The following GPHN variants were observed in gnomAD, a reference collection of about 807,000 sequenced individuals.
GPHN encodes gephyrin.
A neutral mutation model predicts 95.5 loss-of-function variants in GPHN; 17 were observed. That is an observed-to-expected ratio of 0.18 (90% CI 0.12 to 0.27). The LOEUF (loss-of-function observed/expected upper bound fraction) is 0.27. GPHN is among the 10% of genes least tolerant of loss of function. The pLI is 1.00. For missense variants in GPHN, 660 were observed against 978.1 expected (o/e 0.67, Z 4.34); for synonymous variants, 320 against 322.5 (o/e 0.99, Z 0.08).
intron 16 of GPHN, among the ~76,000 whole-genome samples, chr14:67,116,293 G>C (rs2078688789): frequency 1.4e-5 from 2 of 143,234 alleles, no homozygotes; most frequent in African/African-American, 5.2e-5. Flanking sequence ...AGAAAGAAAA[G>C]AAAAAGAAAG....
chr14:67,537,346 A>AAATAATAAT, the GPHN span, among the ~76,000 whole-genome samples: 34,488 of 126,222 alleles, frequency 0.27, 5,273 homozygotes, highest in Non-Finnish European at 0.35. Context: ...TCCATCTCAA[A>AAATAATAAT]AATAATAATA....
At chr14:67,124,279 AC>A (rs896359424) in intron 17 of GPHN, among the ~76,000 whole-genome samples, 36 of 152,136 alleles carry the variant, frequency 2.4e-4, no homozygotes, top group Admixed American at 9.8e-4. Context: ...AGTGGTGCGC[AC>A]CTGTAATCCC....
At chr14:66,953,069 T>C (rs977551628) in intron 8 of GPHN, among the ~76,000 whole-genome samples, 2 of 150,740 alleles carry the variant, frequency 1.3e-5, no homozygotes, top group Admixed American at 1.3e-4. Context: ...TGCATTTCCC[T>C]AATGACTAAG....
At chr14:67,137,241 G>A (rs945760388) in intron 17 of GPHN, among the ~76,000 whole-genome samples, 9 of 151,562 alleles carry the variant, frequency 5.9e-5, no homozygotes, top group South Asian at 4.2e-4. Context: ...CACCTCCCAG[G>A]TTCATGCCAT....
chr14:67,659,819 C>T, the GPHN span: 15 of 1,614,034 alleles, frequency 9.3e-6, no homozygotes, highest in African/African-American at 5.3e-5. Context: ...TCTCACCTCC[C>T]GATGGAGTTT....
the GPHN span, chr14:67,570,142 A>C: frequency 1.4e-6 from 1 of 716,924 alleles, no homozygotes; most frequent in Non-Finnish European, 2.3e-6. Flanking sequence ...AGCTGAGCCC[A>C]GCACGTGTCA....
the GPHN span, among the ~76,000 whole-genome samples, chr14:67,324,511 T>A: frequency 1.3e-5 from 2 of 152,208 alleles, no homozygotes; most frequent in African/African-American, 2.4e-5. Flanking sequence ...TGCCTTTAAA[T>A]CTCCTTAAAG....
At chr14:66,653,915 C>G (rs2065180090) in intron 1 of GPHN, among the ~76,000 whole-genome samples, 1 of 152,094 alleles carries the variant, frequency 6.6e-6, no homozygotes, top group African/African-American at 2.4e-5. Context: ...ACACAGTTTT[C>G]TTTTCTCTGG....
intron 2 of GPHN, chr14:66,760,760 G>A (rs2058726847): frequency 2.1e-6 from 1 of 472,584 alleles, no homozygotes; most frequent in Admixed American, 2.5e-5. Flanking sequence ...ACATAGAAAT[G>A]AACCTATCAA....
At chr14:67,092,466 A>G (rs774342620) in intron 12 of GPHN, among the ~76,000 whole-genome samples, 2 of 151,974 alleles carry the variant, frequency 1.3e-5, no homozygotes, top group Non-Finnish European at 2.9e-5. Context: ...AGTAATAACC[A>G]GTGGCACTCG....
chr14:67,015,779 G>T (rs1369164520), intron 9 of GPHN, among the ~76,000 whole-genome samples: 1 of 152,052 alleles, frequency 6.6e-6, no homozygotes, highest in Non-Finnish European at 1.5e-5. Flanking sequence ...AGAATAAATG[G>T]TTATGGATAC....
At chr14:67,702,519 T>TCCC in the GPHN span, among the ~76,000 whole-genome samples, 1 of 152,188 alleles carries the variant, frequency 6.6e-6, no homozygotes, top group Non-Finnish European at 1.5e-5. Flanking sequence ...CCCTGTAAAA[T>TCCC]ATTTAATAAG....
chr14:67,356,763 G>A, the GPHN span, among the ~76,000 whole-genome samples: 1 of 152,158 alleles, frequency 6.6e-6, no homozygotes, highest in Non-Finnish European at 1.5e-5. Flanking sequence ...GGCTGACTCT[G>A]CACTGACTGG....
At chr14:67,299,713 A>T in the GPHN span, among the ~76,000 whole-genome samples, 11 of 152,232 alleles carry the variant, frequency 7.2e-5, no homozygotes, top group Non-Finnish European at 1.0e-4. Flanking sequence ...TTAGTAGGGC[A>T]GTGGGTAAAC....
At chr14:67,602,360 C>T in the GPHN span, among the ~76,000 whole-genome samples, 2 of 152,182 alleles carry the variant, frequency 1.3e-5, no homozygotes, top group African/African-American at 4.8e-5. Context: ...CTGGGTCCCT[C>T]CCCTAACAAG....
intron 11 of GPHN, among the ~76,000 whole-genome samples, chr14:67,085,573 A>C (rs1432388434): frequency 2.0e-5 from 3 of 152,204 alleles, no homozygotes; most frequent in Non-Finnish European, 2.9e-5. Flanking sequence ...AAAGAGAGCC[A>C]TGCTGAGCCT....
intron 1 of GPHN, among the ~76,000 whole-genome samples, chr14:66,680,862 T>G (rs766231643): frequency 6.6e-6 from 1 of 152,174 alleles, no homozygotes; most frequent in Non-Finnish European, 1.5e-5. Flanking sequence ...TATTATTTTA[T>G]GTAATGTATT....
At chr14:67,176,696 C>A (rs2082977280) in intron 21 of GPHN, among the ~76,000 whole-genome samples, 1 of 152,120 alleles carries the variant, frequency 6.6e-6, no homozygotes, top group Admixed American at 6.6e-5. Context: ...GCTGTGAGTC[C>A]TTCTGGTCCT....
the GPHN span, among the ~76,000 whole-genome samples, chr14:67,404,003 T>G: frequency 6.6e-6 from 1 of 152,188 alleles, no homozygotes; most frequent in Admixed American, 6.5e-5. Flanking sequence ...CAACAAGCTG[T>G]GATTGCGCTA....
Sources: gnomAD v4.1 joint callset for allele counts (sites outside exome capture counted in the v4.1 genomes callset) on GRCh38, gnomAD v4.1.1 for gene constraint, MANE v1.5 for transcripts, NCBI Gene and HGNC (gene_info 2026-07-23, HGNC 2026-07-21) for gene names.